FAR2: variants seen among roughly 807,000 people sequenced by gnomAD.
The protein encoded by FAR2 is epididymis secretory protein Li 81.
FAR2 carries 19 observed loss-of-function variants against 56.0 expected under a neutral mutation model. The observed-to-expected ratio is 0.34, with a 90% CI of 0.24 to 0.50. The LOEUF (loss-of-function observed/expected upper bound fraction) is 0.50. Among genes scored for constraint, FAR2 ranks in the 20% least tolerant of loss-of-function variants. The pLI, the probability that FAR2 is intolerant of heterozygous loss-of-function variation, is 0.98. For missense variants in FAR2, 508 were observed against 642.2 expected, an observed-to-expected ratio of 0.79 and a Z score of 2.26; for synonymous variants, 219 against 218.8, an observed-to-expected ratio of 1.00 and a Z score of -0.01.
At chr12:29,283,303 A>C (rs969582264) in intron 2 of FAR2, among the ~76,000 whole-genome samples, 2 of 152,122 alleles carry the variant, frequency 1.3e-5, no homozygotes, top group Admixed American at 1.3e-4. Context: ...TTGGATTACA[A>C]TTTTTTTGCA....
chr12:29,168,495 C>A (rs1240990768), intron 1 of FAR2, among the ~76,000 whole-genome samples: 1 of 152,202 alleles, frequency 6.6e-6, no homozygotes, highest in Non-Finnish European at 1.5e-5. Flanking sequence ...ATTCAAACTA[C>A]CAATAATCAT....
intron 2 of FAR2, among the ~76,000 whole-genome samples, chr12:29,282,772 C>T (rs557429154): frequency 1.3e-5 from 2 of 152,208 alleles, no homozygotes; most frequent in South Asian, 4.2e-4. Flanking sequence ...ATCTGACTTC[C>T]AGTTTCCCTG....
chr12:29,313,038 C>T (rs944694259), intron 8 of FAR2, among the ~76,000 whole-genome samples: 6 of 152,092 alleles, frequency 3.9e-5, no homozygotes, highest in Non-Finnish European at 7.4e-5. Flanking sequence ...TCTAGATTCC[C>T]ATCTAATATA....
chr12:29,264,470 A>G (rs1948477161), intron 1 of FAR2, among the ~76,000 whole-genome samples: 1 of 152,038 alleles, frequency 6.6e-6, no homozygotes. Context: ...AGTCCTAACT[A>G]GAGTAATCAG....
chr12:29,203,999 C>CAAAAAAAA (rs34399942), intron 1 of FAR2, among the ~76,000 whole-genome samples: 440 of 68,024 alleles, frequency 6.5e-3, no homozygotes, highest in Non-Finnish European at 8.8e-3. Flanking sequence ...GATTCCATCT[C>CAAAAAAAA]AAAAAAAAAA....
intron 1 of FAR2, among the ~76,000 whole-genome samples, chr12:29,221,762 G>A (rs1947694933): frequency 6.6e-6 from 1 of 151,946 alleles, no homozygotes; most frequent in Admixed American, 6.6e-5. Context: ...CTCGCTTTAG[G>A]GTCATCCTGA....
intron 2 of FAR2, among the ~76,000 whole-genome samples, chr12:29,282,605 A>T (rs1435478480): frequency 1.3e-5 from 2 of 151,988 alleles, no homozygotes; most frequent in African/African-American, 4.8e-5. Flanking sequence ...AGGCTTGGAA[A>T]TTTTTTTTTA....
chr12:29,223,130 A>G (rs10771499), intron 1 of FAR2, among the ~76,000 whole-genome samples: 25,922 of 152,144 alleles, frequency 0.17, 2,894 homozygotes, highest in African/African-American at 0.31. Flanking sequence ...GTAGGGAAGT[A>G]CTATTACTAG....
At chr12:29,299,213 C>CAAAAAAAAAAAAA (rs71042981) in intron 4 of FAR2, among the ~76,000 whole-genome samples, 71 of 103,572 alleles carry the variant, frequency 6.9e-4, no homozygotes, top group African/African-American at 2.6e-3. Context: ...AACTTTGTCT[C>CAAAAAAAAAAAAA]AAAAAAAAAA....
At position 29,215,029 on chromosome 12, in the gene FAR2, T is replaced by C. The variant is rs1264630179; in HGVS notation, c.-38-55383T>C. Among the ~76,000 whole-genome samples, 4 of 152,136 alleles carry C rather than the reference T, an allele frequency of 2.6e-5. No individual in the cohort carries two copies. In the East Asian group the frequency reaches 7.7e-4, roughly 29 times the overall value. ...GCTAAGATCTAGTGCAAGAGTATAATATTCAAAGAAGAGCGAAGGCAAAAT... is the reference window on the plus strand; with the variant it reads ...GCTAAGATCTAGTGCAAGAGTATAACATTCAAAGAAGAGCGAAGGCAAAAT... On this transcript the variant is annotated intron_variant, in intron 1 of 11. Transcript: ENST00000536681.
At chr12:29,304,278 T>C (rs1046864814) in intron 4 of FAR2, among the ~76,000 whole-genome samples, 1 of 152,182 alleles carries the variant, frequency 6.6e-6, no homozygotes, top group East Asian at 1.9e-4. Context: ...CAATCAAGAT[T>C]ATCATGTGGA....
chr12:29,270,138 C>T (rs1319303435), intron 1 of FAR2, among the ~76,000 whole-genome samples: 2 of 152,202 alleles, frequency 1.3e-5, no homozygotes, highest in South Asian at 2.1e-4. Flanking sequence ...TATTGTCTGC[C>T]TCCTCCATTA....
At chr12:29,253,867 A>G (rs1948273647) in intron 1 of FAR2, among the ~76,000 whole-genome samples, 1 of 152,228 alleles carries the variant, frequency 6.6e-6, no homozygotes, top group Non-Finnish European at 1.5e-5. Context: ...TGTAGCACAT[A>G]GTAGACATTC....
intron 10 of FAR2, among the ~76,000 whole-genome samples, chr12:29,326,883 G>A (rs1046196369): frequency 6.6e-6 from 1 of 152,236 alleles, no homozygotes; most frequent in African/African-American, 2.4e-5. Context: ...ATTCAACATA[G>A]TGTTGGAAGT....
intron 1 of FAR2, among the ~76,000 whole-genome samples, chr12:29,153,158 A>G (rs1949694558): frequency 6.6e-6 from 1 of 152,172 alleles, no homozygotes; most frequent in Non-Finnish European, 1.5e-5. Context: ...TTTGGAACCT[A>G]CAGACATTTA....
At chr12:29,151,015 AG>A (rs2136568661) in intron 1 of FAR2, among the ~76,000 whole-genome samples, 1 of 152,342 alleles carries the variant, frequency 6.6e-6, no homozygotes, top group Admixed American at 6.5e-5. Context: ...GGCTTATATT[AG>A]GGTATCACTT....
intron 2 of FAR2, among the ~76,000 whole-genome samples, chr12:29,289,761 G>A (rs772211630): frequency 2.0e-5 from 3 of 152,158 alleles, no homozygotes; most frequent in Non-Finnish European, 4.4e-5. Context: ...ACAAGCCACA[G>A]AATGGGGGAA....
chr12:29,150,736 A>G (rs1156515871), intron 1 of FAR2, among the ~76,000 whole-genome samples: 3 of 152,202 alleles, frequency 2.0e-5, no homozygotes, highest in Non-Finnish European at 4.4e-5. Flanking sequence ...TTTCATCGGT[A>G]GTATTTCTCA....
Position 29,278,680 on chromosome 12 carries a change from T to A in FAR2, c.189+8042T>A, listed in dbSNP as rs532151498. On this transcript the variant is annotated intron_variant, in intron 2 of 11. Coordinates refer to ENST00000536681, the MANE Select transcript of FAR2 (RefSeq NM_001271783.2). ...AGACTTTTAACAACAAAAAAGTACT[T>A]TTTATTCTAAGGTTGAATTTAGGAG... Among the ~76,000 whole-genome samples the A allele has an allele frequency of 5.9e-5, 9 of 152,246 alleles. No individual in the cohort carries two copies. In the East Asian group the frequency reaches 1.7e-3, roughly 29 times the overall value.
Sources: allele counts gnomAD v4.1 joint callset (sites outside exome capture counted in the v4.1 genomes callset), GRCh38; gene constraint gnomAD v4.1.1; transcripts MANE v1.5; gene names NCBI Gene and HGNC (gene_info 2026-07-23, HGNC 2026-07-21).